The following PARD3B variants were observed in gnomAD, a reference collection of about 807,000 sequenced individuals.
PARD3B encodes par-3 family cell polarity regulator beta.
In PARD3B, 103 loss-of-function variants were observed where a neutral mutation model predicts 130.2. The ratio of observed to expected loss-of-function variants is 0.79; its 90% confidence interval spans 0.67 to 0.93. The LOEUF is 0.93. Among genes scored for constraint, PARD3B ranks in the 40% least tolerant of loss-of-function variants. The pLI is 0.00. For synonymous variants in PARD3B, 583 were observed against 553.2 expected (o/e 1.05, Z -0.76); for missense variants, 1,609 against 1,499.2 (o/e 1.07, Z -1.21).
At chr2:205,344,812 G>A (rs555160062) in intron 18 of PARD3B, among the ~76,000 whole-genome samples, 9 of 152,224 alleles carry the variant, frequency 5.9e-5, no homozygotes, top group East Asian at 1.9e-4. Context: ...TGGGTATAGC[G>A]GGGGTAGAAT....
At chr2:205,359,569 C>T (rs998180349) in intron 18 of PARD3B, among the ~76,000 whole-genome samples, 6 of 152,148 alleles carry the variant, frequency 3.9e-5, no homozygotes, top group Non-Finnish European at 8.8e-5. Flanking sequence ...AATCTATACT[C>T]CTTTTACCCT....
chr2:204,870,108 G>A (rs78685479), intron 2 of PARD3B, among the ~76,000 whole-genome samples: 2,663 of 152,066 alleles, frequency 0.018, 56 homozygotes, highest in East Asian at 0.11. Flanking sequence ...CACCCTCTTC[G>A]CCCTCCATTT....
intron 2 of PARD3B, among the ~76,000 whole-genome samples, chr2:204,850,404 A>C (rs143679579): frequency 2.6e-5 from 4 of 152,022 alleles, no homozygotes; most frequent in Non-Finnish European, 2.9e-5. Flanking sequence ...GAGATTGTCT[A>C]TTTATTGTGA....
At chr2:205,374,733 G>C (rs551786548) in intron 18 of PARD3B, among the ~76,000 whole-genome samples, 1 of 152,184 alleles carries the variant, frequency 6.6e-6, no homozygotes, top group Non-Finnish European at 1.5e-5. Context: ...TTAATTAGTA[G>C]TCTTTAGTAT....
chr2:204,859,098 C>A (rs2045077912), intron 2 of PARD3B, among the ~76,000 whole-genome samples: 1 of 151,754 alleles, frequency 6.6e-6, no homozygotes, highest in Admixed American at 6.6e-5. Flanking sequence ...ATATAGTATG[C>A]TTCAAGGCAA....
At chr2:205,185,536 G>A (rs1574321871) in intron 13 of PARD3B, among the ~76,000 whole-genome samples, 4 of 152,188 alleles carry the variant, frequency 2.6e-5, no homozygotes, top group Admixed American at 2.6e-4. Context: ...GTTTGCTAGG[G>A]GTTGCCTGCA....
At chr2:204,557,793 A>G (rs991083215) in intron 1 of PARD3B, among the ~76,000 whole-genome samples, 2 of 152,200 alleles carry the variant, frequency 1.3e-5, no homozygotes, top group African/African-American at 4.8e-5. Context: ...ATTGTCTTAA[A>G]TAACAGTTTC....
At chr2:205,095,129 T>G (rs1396715189) in intron 4 of PARD3B, among the ~76,000 whole-genome samples, 2 of 152,184 alleles carry the variant, frequency 1.3e-5, no homozygotes, top group Non-Finnish European at 2.9e-5. Flanking sequence ...TGGAAATTGC[T>G]GTTTTTCAAT....
chr2:204,941,960 T>C (rs1688940607), intron 2 of PARD3B, among the ~76,000 whole-genome samples: 1 of 152,186 alleles, frequency 6.6e-6, no homozygotes, highest in Admixed American at 6.5e-5. Context: ...TAAATTCATA[T>C]CTTTAAGCTG....
chr2:205,383,978 G>T (rs1220542975), intron 18 of PARD3B, among the ~76,000 whole-genome samples: 1 of 152,038 alleles, frequency 6.6e-6, no homozygotes, highest in East Asian at 1.9e-4. Flanking sequence ...CTGGCTTGAT[G>T]CTTATTGGAT....
chr2:204,989,962 T>C (rs1265724141), intron 3 of PARD3B, among the ~76,000 whole-genome samples: 1 of 152,124 alleles, frequency 6.6e-6, no homozygotes, highest in Admixed American at 6.5e-5. Context: ...TGTTTGTTTA[T>C]AGAATATATT....
chr2:204,670,200 T>A (rs2036235319), intron 1 of PARD3B, among the ~76,000 whole-genome samples: 1 of 152,190 alleles, frequency 6.6e-6, no homozygotes, highest in African/African-American at 2.4e-5. Context: ...GGCAAAGTTA[T>A]CTGTAAAGAT....
At chr2:204,579,909 A>G (rs556605241) in intron 1 of PARD3B, among the ~76,000 whole-genome samples, 2 of 152,346 alleles carry the variant, frequency 1.3e-5, no homozygotes, top group African/African-American at 4.8e-5. Flanking sequence ...TTTGGTTAGG[A>G]AAGTAGCAAG....
At chr2:204,777,021 T>G (rs1228272191) in intron 2 of PARD3B, among the ~76,000 whole-genome samples, 2 of 152,188 alleles carry the variant, frequency 1.3e-5, no homozygotes, top group Non-Finnish European at 2.9e-5. Flanking sequence ...TGATGTATCC[T>G]TGGCAGCAGC....
At chr2:204,981,330 T>C (rs1490854178) in intron 3 of PARD3B, among the ~76,000 whole-genome samples, 3 of 152,216 alleles carry the variant, frequency 2.0e-5, no homozygotes, top group East Asian at 1.9e-4. Context: ...TGTCCATCTT[T>C]GGTAAAATAA....
At chr2:205,502,787 C>G (rs1309993016) in intron 21 of PARD3B, among the ~76,000 whole-genome samples, 1 of 152,010 alleles carries the variant, frequency 6.6e-6, no homozygotes, top group Non-Finnish European at 1.5e-5. Flanking sequence ...TTATTAGGGT[C>G]TATGAATATT....
At chr2:205,442,515 C>T (rs2047755093) in intron 20 of PARD3B, among the ~76,000 whole-genome samples, 2 of 152,168 alleles carry the variant, frequency 1.3e-5, no homozygotes, top group South Asian at 4.1e-4. Flanking sequence ...CTTAACCAGG[C>T]TGGTCTTGAA....
In PARD3B at chr2:205,575,209, CAT is replaced by C. The variant is rs2053712984; in HGVS notation, c.3260+21808_3260+21809del. 6.6e-6 allele frequency among the ~76,000 whole-genome samples: 1 copy of C among 151,944 alleles called. No individual in the cohort carries two copies. The highest frequency in any genetic ancestry group is 1.5e-5 in the Non-Finnish European group (1 of 67,996). On this transcript the variant is annotated intron_variant, in intron 22 of 22. Transcript: ENST00000406610. The surrounding 1 kb of genome is among the most constrained non-coding windows in gnomAD (Gnocchi z 4.6). ...TATATATACAATATAGATAGATACA[CAT>C]ACACACTGTTTTTAGTGCAGTTTCA...
At chr2:205,508,779 A>G (rs552341210) in intron 21 of PARD3B, among the ~76,000 whole-genome samples, 17 of 152,286 alleles carry the variant, frequency 1.1e-4, no homozygotes, top group African/African-American at 3.6e-4. Context: ...CAGAGAAAAA[A>G]AGAGAGAAAA....
Sources: allele counts gnomAD v4.1 joint callset (sites outside exome capture counted in the v4.1 genomes callset), GRCh38; gene constraint gnomAD v4.1.1; non-coding constraint Gnocchi (gnomAD v3.1); transcripts MANE v1.5; gene names NCBI Gene and HGNC (gene_info 2026-07-23, HGNC 2026-07-21).